The following RIMBP2 variants were observed in gnomAD, a reference collection of about 807,000 sequenced individuals.
The protein encoded by RIMBP2 is RIMS-binding protein 2.
In RIMBP2, 48 loss-of-function variants were observed where a neutral mutation model predicts 118.6. The ratio of observed to expected loss-of-function variants is 0.40; its 90% CI spans 0.32 to 0.51. RIMBP2 has a LOEUF of 0.51. Ranked by LOEUF, RIMBP2 falls within the 20% of genes least tolerant of loss-of-function variation. RIMBP2 has a pLI of 0.41. For synonymous variants in RIMBP2, 762 were observed against 742.9 expected (o/e 1.03, Z -0.42); for missense variants, 1,551 against 1,768.3 (o/e 0.88, Z 2.20).
chr12:130,673,436 C>A (rs568060260), intron 1 of RIMBP2, among the ~76,000 whole-genome samples: 3 of 152,332 alleles, frequency 2.0e-5, no homozygotes, highest in African/African-American at 4.8e-5. Flanking sequence ...CACTGAAGAA[C>A]CTTGTGATGC....
intron 2 of RIMBP2, among the ~76,000 whole-genome samples, chr12:130,541,335 T>G (rs953183856): frequency 6.6e-6 from 1 of 152,224 alleles, no homozygotes; most frequent in South Asian, 2.1e-4. Flanking sequence ...TAGGATTCTT[T>G]CCTTATAGTA....
At chr12:130,586,311 G>C (rs750968508) in intron 2 of RIMBP2, among the ~76,000 whole-genome samples, 4 of 152,156 alleles carry the variant, frequency 2.6e-5, no homozygotes, top group Non-Finnish European at 2.9e-5. Flanking sequence ...AATCAGCCAG[G>C]CATGGTGGCA....
chr12:130,564,197 G>A (rs998647276), intron 2 of RIMBP2, among the ~76,000 whole-genome samples: 2 of 148,860 alleles, frequency 1.3e-5, no homozygotes, highest in Non-Finnish European at 3.0e-5. Context: ...CTTCTCCCAG[G>A]TGCCCACGTG....
intron 1 of RIMBP2, among the ~76,000 whole-genome samples, chr12:130,713,211 TAGGAAGGAAGGAAGGAAGGAAGGA>T (rs66952529): frequency 2.2e-3 from 218 of 98,186 alleles, no homozygotes; most frequent in African/African-American, 6.2e-3. Context: ...GGAAGGAAGA[TAGGAAGGAAGGAAGGAAGGAAGGA>T]AGGAAGGAAG....
In RIMBP2 at chr12:130,414,320, G is replaced by A. The variant is rs1300196512; in HGVS notation, c.3239-14C>T. 1.9e-6 allele frequency: 3 copies of A among 1,569,064 alleles called. No homozygotes were observed. The highest frequency in any genetic ancestry group is 1.7e-6 in the Non-Finnish European group (2 of 1,155,910). On this transcript the variant is annotated splice_polypyrimidine_tract_variant and intron_variant, in intron 17 of 22. Transcript: ENST00000690449. ...GCCCGTAATCGTCTGCGAGCAAGTG[G>A]GGGTGAAGAACAGAGCGGCAGTGAG...
intron 2 of RIMBP2, among the ~76,000 whole-genome samples, chr12:130,600,963 C>T (rs1230719556): frequency 6.6e-6 from 1 of 152,134 alleles, no homozygotes; most frequent in African/African-American, 2.4e-5. Context: ...TCTTAACCTC[C>T]CCACACCTCT....
At chr12:130,664,415 A>ACACACGCACG (rs2063805842) in intron 1 of RIMBP2, among the ~76,000 whole-genome samples, 10 of 130,588 alleles carry the variant, frequency 7.7e-5, no homozygotes, top group South Asian at 2.7e-4. Context: ...ACGCACGCAC[A>ACACACGCACG]CACACGCACA....
chr12:130,530,299 T>A (rs1300771175), intron 2 of RIMBP2, among the ~76,000 whole-genome samples: 3 of 152,196 alleles, frequency 2.0e-5, no homozygotes, highest in African/African-American at 7.2e-5. Flanking sequence ...TTTCTATATG[T>A]GATTTTGGTA....
In RIMBP2 at chr12:130,424,702, G is replaced by A; in HGVS notation, c.2569C>T (p.Pro857Ser). Residue 857 changes from proline to serine, a missense_variant, in exon 16 of 23, where the codon CCC becomes TCC. By Grantham distance (74) the Pro-to-Ser change is moderately conservative. This residue lies in a region of RIMBP2 where 1,038 missense variants were observed against 1,125.1 expected (regional missense o/e 0.92). Coordinates refer to ENST00000690449, the MANE Select transcript of RIMBP2 (RefSeq NM_001393629.1). The surrounding 1 kb of genome is among the most constrained non-coding windows in gnomAD (Gnocchi z 9.8). ...LLHKQGAGPS[P>S]RARTGLAREP... The stretch of plus-strand genomic sequence containing the variant: ...CTGGCCAGCCCCGTCCTGGCCCTGG[G>A]GGACGGCCCTGCACCCTGCTTGTGT... The A allele has an allele frequency of 8.1e-7, 1 of 1,232,202 alleles. No individual in the cohort carries two copies. The highest frequency in any genetic ancestry group is 4.1e-5 in the South Asian group (1 of 24,316). 76.3% of individuals were successfully genotyped at this position (1,232,202 alleles called of 1,614,324 possible).
chr12:130,579,343 G>A (rs867261372), intron 2 of RIMBP2, among the ~76,000 whole-genome samples: 11 of 152,140 alleles, frequency 7.2e-5, no homozygotes, highest in African/African-American at 2.2e-4. Flanking sequence ...GGGTGCCGAC[G>A]TGACCAGTCC....
intron 4 of RIMBP2, among the ~76,000 whole-genome samples, chr12:130,493,384 G>A (rs1050853499): frequency 6.6e-5 from 10 of 151,736 alleles, no homozygotes; most frequent in Admixed American, 1.3e-4. Flanking sequence ...GCGTGATCTC[G>A]GCTCACTGCA....
intron 1 of RIMBP2, among the ~76,000 whole-genome samples, chr12:130,637,632 C>T (rs1224914969): frequency 6.6e-6 from 1 of 152,246 alleles, no homozygotes; most frequent in Non-Finnish European, 1.5e-5. Context: ...TATCCCTGCA[C>T]TGTCTGCCGG....
intron 1 of RIMBP2, among the ~76,000 whole-genome samples, chr12:130,696,576 A>G (rs1404574399): frequency 6.6e-6 from 1 of 152,256 alleles, no homozygotes; most frequent in African/African-American, 2.4e-5. Context: ...GAGCTGACTC[A>G]GCATTTTGAG....
rs1054549815 is a variant in RIMBP2 at position 130,715,751 on chromosome 12, C to T, written c.-352+471G>A. 2.7e-4 allele frequency among the ~76,000 whole-genome samples: 8 copies of T among 29,572 alleles called. No individual in the cohort carries two copies. In the East Asian group the frequency reaches 5.3e-3, roughly 20 times the overall value. 19.4% of individuals were successfully genotyped at this position (29,572 alleles called of 152,430 possible). ...GACTCTGATGTGTTTGTCCCACGTC[C>T]CCTTCCCCCCCTCCACCCCGCCCCC... On this transcript the variant is annotated intron_variant, in intron 1 of 22. Transcript: ENST00000690449.
At chr12:130,429,228 CG>C (rs1307203734) in intron 14 of RIMBP2, 2 of 152,300 alleles carry the variant, frequency 1.3e-5, no homozygotes, top group African/African-American at 2.4e-5. Context: ...GTGCTTACTC[CG>C]GGCCCAGCTC....
chr12:130,649,148 C>G lies in RIMBP2; in HGVS notation c.-351-20692G>C, dbSNP rs983706116. On this transcript the variant is annotated intron_variant, in intron 1 of 22. Transcript: ENST00000690449. ...GGTATGGAGGTGGGTACGGAGGTGG[C>G]AGGAGGAAGCTATGGACAAGAGAGC... is the stretch of plus-strand genomic sequence containing the variant. Among the ~76,000 whole-genome samples the G allele has an allele frequency of 4.1e-5, 6 of 145,754 alleles. No individual in the cohort carries two copies. In the East Asian group the frequency reaches 1.2e-3, roughly 28 times the overall value.
chr12:130,455,002 C>T (rs1324513111), intron 7 of RIMBP2, among the ~76,000 whole-genome samples: 1 of 152,258 alleles, frequency 6.6e-6, no homozygotes, highest in Non-Finnish European at 1.5e-5. Context: ...CACTGAACAC[C>T]TGCTTTCCTT....
At chr12:130,672,893 A>G (rs7970170) in intron 1 of RIMBP2, among the ~76,000 whole-genome samples, 52,671 of 152,102 alleles carry the variant, frequency 0.35, 9,235 homozygotes, top group East Asian at 0.41. Flanking sequence ...TTATCCTAGT[A>G]TTTAGATCCA....
rs529199216 is a variant in RIMBP2 at position 130,469,964 on chromosome 12, G to T, written c.153+729C>A. ...GATGCAGACAGCAGAGGCCTGAGGG[G>T]GACCCCATAGCCCTCCCTGTCTGCC... On this transcript the variant is annotated intron_variant, in intron 6 of 22. Transcript: ENST00000690449. The surrounding 1 kb of genome is among the most constrained non-coding windows in gnomAD (Gnocchi z 4.8). Among the ~76,000 whole-genome samples the T allele has an allele frequency of 6.6e-6, 1 of 152,286 alleles. No homozygotes were observed. The highest frequency in any genetic ancestry group is 2.4e-5 in the African/African-American group (1 of 41,560).
Sources: allele counts gnomAD v4.1 joint callset (sites outside exome capture counted in the v4.1 genomes callset), GRCh38; gene constraint gnomAD v4.1.1; regional missense constraint gnomAD v4.1.1; non-coding constraint Gnocchi (gnomAD v3.1); transcripts MANE v1.5; gene names NCBI Gene and HGNC (gene_info 2026-07-23, HGNC 2026-07-21).